The following NRXN1 variants were observed in gnomAD, a reference collection of about 807,000 sequenced individuals.
The protein encoded by NRXN1 is neurexin-1.
A neutral mutation model predicts 150.9 loss-of-function variants in NRXN1; 39 were observed. The observed-to-expected ratio is 0.26, with a 90% CI of 0.20 to 0.34. The LOEUF (loss-of-function observed/expected upper bound fraction) is 0.34, where lower values mean the gene tolerates loss of function less well. Among genes scored for constraint, NRXN1 ranks in the 10% least tolerant of loss-of-function variants. The pLI, the probability that NRXN1 is intolerant of heterozygous loss-of-function variation, is 1.00. For synonymous variants in NRXN1, 924 were observed against 757.0 expected (o/e 1.22, Z -3.62); for missense variants, 1,815 against 1,949.9 (o/e 0.93, Z 1.30).
intron 2 of NRXN1, chr2:50,964,115 A>C (rs971412883): frequency 4.1e-5 from 12 of 291,232 alleles, no homozygotes; most frequent in African/African-American, 2.4e-4. Context: ...ACGATTACAA[A>C]ATCTTTGTCA....
At chr2:51,016,593 G>C (rs1223393620) in intron 2 of NRXN1, among the ~76,000 whole-genome samples, 3 of 152,132 alleles carry the variant, frequency 2.0e-5, no homozygotes, top group African/African-American at 7.2e-5. Flanking sequence ...TCATTAAAAA[G>C]TCAGGAAACA....
intron 17 of NRXN1, among the ~76,000 whole-genome samples, chr2:50,357,944 T>C (rs528207216): frequency 2.6e-5 from 4 of 151,746 alleles, no homozygotes; most frequent in African/African-American, 9.7e-5. Context: ...CAAAGCAGGG[T>C]GGGGCGTCAC....
intron 17 of NRXN1, among the ~76,000 whole-genome samples, chr2:50,456,432 G>A (rs2087566678): frequency 6.6e-6 from 1 of 152,024 alleles, no homozygotes; most frequent in African/African-American, 2.4e-5. Flanking sequence ...CTACAAGAGA[G>A]TTAAAACACG....
At chr2:50,557,597 A>T (rs368518878) in intron 8 of NRXN1, among the ~76,000 whole-genome samples, 11 of 152,166 alleles carry the variant, frequency 7.2e-5, no homozygotes, top group African/African-American at 2.7e-4. Flanking sequence ...TTTATTCGTA[A>T]AGGACAATGG....
chr2:50,408,197 T>C (rs1420157735), intron 17 of NRXN1, among the ~76,000 whole-genome samples: 1 of 152,190 alleles, frequency 6.6e-6, no homozygotes, highest in Non-Finnish European at 1.5e-5. Context: ...GTGAAATATT[T>C]CCAAGGGCTA....
chr2:50,810,602 T>C (rs1370564811), intron 5 of NRXN1, among the ~76,000 whole-genome samples: 1 of 152,164 alleles, frequency 6.6e-6, no homozygotes, highest in African/African-American at 2.4e-5. Flanking sequence ...TTCAACTTCC[T>C]GAACACCCTC....
intron 18 of NRXN1, among the ~76,000 whole-genome samples, chr2:50,189,827 A>T (rs2061338348): frequency 6.6e-6 from 1 of 152,168 alleles, no homozygotes; most frequent in African/African-American, 2.4e-5. Flanking sequence ...GAATTAGTTT[A>T]TCAATAGATT....
At chr2:50,167,197 T>C (rs995666976) in intron 18 of NRXN1, among the ~76,000 whole-genome samples, 2 of 152,142 alleles carry the variant, frequency 1.3e-5, no homozygotes, top group East Asian at 3.9e-4. Flanking sequence ...ACAGAGATAA[T>C]CAAATCTGCT....
intron 9 of NRXN1, among the ~76,000 whole-genome samples, chr2:50,548,813 G>C (rs1452005521): frequency 6.6e-6 from 1 of 152,068 alleles, no homozygotes; most frequent in Non-Finnish European, 1.5e-5. Context: ...TAGATTGGCA[G>C]CAAATTAATG....
intron 5 of NRXN1, among the ~76,000 whole-genome samples, chr2:50,712,784 C>A (rs551400374): frequency 6.6e-6 from 1 of 152,144 alleles, no homozygotes; most frequent in Non-Finnish European, 1.5e-5. Context: ...ATGACTGCAG[C>A]CTTCATCCCA....
intron 7 of NRXN1, 65 bp downstream of exon 7, chr2:50,621,161 C>G (rs199665156): frequency 9.1e-6 from 13 of 1,427,264 alleles, no homozygotes; most frequent in Non-Finnish European, 1.1e-5. Context: ...AGAAAGAAAA[C>G]ACACGGCAAA....
intron 5 of NRXN1, among the ~76,000 whole-genome samples, chr2:50,897,289 G>A (rs1418111042): frequency 6.6e-6 from 1 of 152,152 alleles, no homozygotes; most frequent in African/African-American, 2.4e-5. Context: ...GACTGGCATA[G>A]AGAAACCGCT....
chr2:50,395,706 A>T (rs2082010765), intron 17 of NRXN1, among the ~76,000 whole-genome samples: 1 of 152,194 alleles, frequency 6.6e-6, no homozygotes, highest in African/African-American at 2.4e-5. Flanking sequence ...ACTATATCAT[A>T]TAAGTTCCTG....
intron 17 of NRXN1, among the ~76,000 whole-genome samples, chr2:50,437,989 G>C (rs2085596306): frequency 6.6e-6 from 1 of 152,180 alleles, no homozygotes; most frequent in South Asian, 2.1e-4. Flanking sequence ...TACAACCTCA[G>C]TTATCACTTC....
rs1390924926 is a variant in NRXN1 at position 49,974,161 on chromosome 2, A to G, written c.4129-30370T>C. ...AATTGCCTGCGCATCAGCCCGGCCTATCAGTGCCCTGCACACAGATGGGCG... is the reference window on the plus strand; with the variant it reads ...AATTGCCTGCGCATCAGCCCGGCCTGTCAGTGCCCTGCACACAGATGGGCG... On this transcript the variant is annotated intron_variant, in intron 21 of 22. Coordinates refer to ENST00000401669, the MANE Select transcript of NRXN1 (RefSeq NM_001330078.2). 7 of 712,364 alleles carry G rather than the reference A, an allele frequency of 9.8e-6. No homozygotes were observed. In the East Asian group the frequency reaches 1.3e-4, roughly 14 times the overall value. 44.1% of individuals were successfully genotyped at this position (712,364 alleles called of 1,614,324 possible).
At position 50,869,262 on chromosome 2, in the gene NRXN1, T is replaced by C. The variant is rs80265093; in HGVS notation, c.832+52607A>G. ...AACAAACCAATTCATTGGAATTCTC[T>C]TATTCAAAGTTAAAAGGCTGAAATT... On this transcript the variant is annotated intron_variant, in intron 5 of 22. Coordinates refer to ENST00000401669, the MANE Select transcript of NRXN1 (RefSeq NM_001330078.2). Among the ~76,000 whole-genome samples the C allele has an allele frequency of 0.017, 2,613 of 151,836 alleles. 111 individuals carry two copies. The East Asian group carries it at 0.18, about 11-fold the overall frequency.
At position 50,921,751 on chromosome 2, in the gene NRXN1, C is replaced by T. The variant is rs904017559; in HGVS notation, c.832+118G>A. Reference sequence around the variant, plus strand: ...TAAATTTATAAAATATTTATTAACACATATACCTACCTCCCAGTGCCCATT... The same window carrying T: ...TAAATTTATAAAATATTTATTAACATATATACCTACCTCCCAGTGCCCATT... On this transcript the variant is annotated intron_variant, in intron 5 of 22. Coordinates refer to ENST00000401669, the MANE Select transcript of NRXN1 (RefSeq NM_001330078.2). 9 of 417,470 alleles carry T rather than the reference C, an allele frequency of 2.2e-5. No individual in the cohort carries two copies. In the South Asian group the frequency reaches 3.5e-4, roughly 16 times the overall value. The allele number at this position is 417,470 out of a possible 1,614,324, so 25.9% of individuals were successfully genotyped here.
chr2:50,590,182 A>G (rs1177207340), intron 8 of NRXN1, among the ~76,000 whole-genome samples: 6 of 152,228 alleles, frequency 3.9e-5, no homozygotes, highest in African/African-American at 1.4e-4. Context: ...ATTTACTTAC[A>G]TGCAGTTTTA....
At chr2:50,923,682 C>G (rs868624718) in intron 3 of NRXN1, among the ~76,000 whole-genome samples, 1 of 151,672 alleles carries the variant, frequency 6.6e-6, no homozygotes, top group Admixed American at 6.6e-5. Flanking sequence ...GTCTACAATA[C>G]GGGAAAATGT....
Sources: gnomAD v4.1 joint callset for allele counts (sites outside exome capture counted in the v4.1 genomes callset) on GRCh38, gnomAD v4.1.1 for gene constraint, MANE v1.5 for transcripts, NCBI Gene and HGNC (gene_info 2026-07-23, HGNC 2026-07-21) for gene names.